The following MPDZ variants were observed in gnomAD, a reference collection of about 807,000 sequenced individuals.
MPDZ encodes multiple PDZ domain crumbs cell polarity complex component.
MPDZ carries 234 observed loss-of-function variants against 239.1 expected under a neutral mutation model. The ratio of observed to expected loss-of-function variants is 0.98; its 90% CI spans 0.88 to 1.09. The LOEUF (loss-of-function observed/expected upper bound fraction) is 1.09. Ranked by LOEUF, MPDZ falls within the 50% of genes least tolerant of loss-of-function variation. The pLI, the probability that MPDZ is intolerant of heterozygous loss-of-function variation, is 0.00. For synonymous variants in MPDZ, 1,048 were observed against 881.3 expected, an observed-to-expected ratio of 1.19 and a Z score of -3.35; for missense variants, 3,175 against 2,510.0, an observed-to-expected ratio of 1.26 and a Z score of -5.66.
chr9:13,230,810 A>AAGATACG (rs1587977594), intron 3 of MPDZ, among the ~76,000 whole-genome samples: 1 of 152,240 alleles, frequency 6.6e-6, no homozygotes, highest in Non-Finnish European at 1.5e-5. Context: ...AATGATAATG[A>AAGATACG]AGATACGACA....
In MPDZ at chr9:13,203,728, CCACACACACACACACACACACACACA is replaced by C. The variant is rs58472339; in HGVS notation, c.1546+1282_1546+1307del. ...TCTATAGTCACCCCCATGTATCCTGCCACACACACACACACACACACACACACACACACACACACACACACAGAGAG... is the reference window on the plus strand; with the variant it reads ...TCTATAGTCACCCCCATGTATCCTGCCACACACACACACACACACAGAGAG... On this transcript the variant is annotated intron_variant, in intron 12 of 46. Coordinates refer to ENST00000319217, the MANE Select transcript of MPDZ (RefSeq NM_001378778.1). Among the ~76,000 whole-genome samples the C allele has an allele frequency of 2.1e-5, 3 of 140,466 alleles. No homozygotes were observed. In the Admixed American group the frequency reaches 2.2e-4, roughly 10 times the overall value. The allele number at this position is 140,466 out of a possible 152,430, so 92.2% of individuals were successfully genotyped here. A position where few individuals can be genotyped will look rare whatever the true frequency, so the allele number is the denominator to read the frequency against.
chr9:13,185,301 T>C (rs1380584393), intron 18 of MPDZ, among the ~76,000 whole-genome samples: 1 of 151,934 alleles, frequency 6.6e-6, no homozygotes, highest in Non-Finnish European at 1.5e-5. Context: ...AGGAATTGTC[T>C]CCCCCGAAAT....
chr9:13,127,261 T>TG (rs1332970779), intron 32 of MPDZ, among the ~76,000 whole-genome samples: 1 of 152,128 alleles, frequency 6.6e-6, no homozygotes, highest in Non-Finnish European at 1.5e-5. Flanking sequence ...TCTGTCCTTT[T>TG]GGGGGGTGAA....
intron 1 of MPDZ, among the ~76,000 whole-genome samples, chr9:13,275,921 C>G (rs1192651433): frequency 6.6e-6 from 1 of 152,124 alleles, no homozygotes; most frequent in Non-Finnish European, 1.5e-5. Flanking sequence ...TTAAGCTCTA[C>G]TTCATATCAA....
At chr9:13,136,332 T>TTTTC (rs1554654000) in intron 30 of MPDZ, 150 bp from the exon 31 acceptor site, 2 of 486,626 alleles carry the variant, frequency 4.1e-6, no homozygotes, top group Non-Finnish European at 6.8e-6. Flanking sequence ...TTTCTTTTTT[T>TTTTC]TTTTTTTTTT....
At chr9:13,205,338 A>G (rs534787464) in intron 11 of MPDZ, among the ~76,000 whole-genome samples, 3 of 152,286 alleles carry the variant, frequency 2.0e-5, no homozygotes, top group South Asian at 2.1e-4. Context: ...AATGGCATAA[A>G]TATCAGAATG....
In MPDZ at chr9:13,186,291, G is replaced by A. The variant is rs758957330; in HGVS notation, c.2460C>T (p.Leu820=). Reference sequence around the variant, plus strand: ...TAACCAGAGCCAAGTCAGCCCTGAAGAGGGGTTTGTCAGCCAGCCCTGCTT... The same window carrying A: ...TAACCAGAGCCAAGTCAGCCCTGAAAAGGGGTTTGTCAGCCAGCCCTGCTT... ...CEEAGLADKP[L]FRADLALVGT... The change falls in exon 18 of 47, where the codon CTC becomes CTT. Residue 820 remains leucine (L), a synonymous_variant. Transcript: ENST00000319217. 1.1e-5 allele frequency: 17 copies of A among 1,591,122 alleles called. No homozygotes were observed. The South Asian group carries it at 1.8e-4, about 17-fold the overall frequency.
intron 10 of MPDZ, among the ~76,000 whole-genome samples, chr9:13,213,470 A>T (rs567982249): frequency 6.6e-6 from 1 of 152,122 alleles, no homozygotes; most frequent in South Asian, 2.1e-4. Flanking sequence ...AACAAATAAC[A>T]GACAAAGACT....
chr9:13,137,620 C>T (rs1217467750), intron 29 of MPDZ, among the ~76,000 whole-genome samples: 3 of 152,104 alleles, frequency 2.0e-5, no homozygotes, highest in Non-Finnish European at 4.4e-5. Context: ...GTGGGTCAGC[C>T]TCTGGGGAAT....
At chr9:13,108,291 C>A (rs1941826204) in intron 46 of MPDZ, among the ~76,000 whole-genome samples, 1 of 151,978 alleles carries the variant, frequency 6.6e-6, no homozygotes, top group African/African-American at 2.4e-5. Flanking sequence ...ATTTTAATAG[C>A]TTTACCAGTA....
intron 3 of MPDZ, among the ~76,000 whole-genome samples, chr9:13,228,418 G>T (rs537104004): frequency 6.4e-4 from 97 of 152,106 alleles, no homozygotes; most frequent in African/African-American, 2.3e-3. Context: ...TAAAAGTACA[G>T]GAAAAGTCCT....
At chr9:13,143,793 A>C (rs1446940792) in intron 26 of MPDZ, among the ~76,000 whole-genome samples, 1 of 152,136 alleles carries the variant, frequency 6.6e-6, no homozygotes, top group African/African-American at 2.4e-5. Context: ...AAAGGAAACT[A>C]GTTGTCAAAC....
intron 10 of MPDZ, among the ~76,000 whole-genome samples, chr9:13,212,627 T>C (rs1291684066): frequency 1.3e-5 from 2 of 150,592 alleles, no homozygotes; most frequent in African/African-American, 2.4e-5. Flanking sequence ...AAGAGTGCAG[T>C]AGAACTAGGT....
At position 13,133,858 on chromosome 9, in the gene MPDZ, G is replaced by C. The variant is rs1355368723; in HGVS notation, c.4430C>G (p.Ser1477Ter). ...TTSDAAVDLS[S>*]FKNVQHLELP... ...CTCCAGATGTTGCACATTTTTAAAT[G>C]AACTGAGGTCCACAGCTGCATCAGA... Residue 1477 changes from serine (S) to a stop codon, truncating the protein, a stop_gained, in exon 32 of 47, where the codon TCA (serine) becomes TGA (stop). Transcript: ENST00000319217. LOFTEE classifies it high-confidence loss of function. 1 of 1,606,750 alleles carries C rather than the reference G, an allele frequency of 6.2e-7. No homozygotes were observed. Among genetic ancestry groups the C allele is most frequent in the East Asian group, 2.2e-5 (1 of 44,588 alleles).
At chr9:13,177,705 C>G (rs1952684522) in intron 19 of MPDZ, among the ~76,000 whole-genome samples, 1 of 152,084 alleles carries the variant, frequency 6.6e-6, no homozygotes, top group South Asian at 2.1e-4. Flanking sequence ...AATCCTGGCT[C>G]AACACTAATT....
At chr9:13,139,726 G>C (rs908264598) in intron 28 of MPDZ, among the ~76,000 whole-genome samples, 4 of 152,178 alleles carry the variant, frequency 2.6e-5, no homozygotes, top group African/African-American at 9.7e-5. Context: ...GCTTCTGAGA[G>C]AGTGCCCTGT....
chr9:13,157,139 A>G (rs550197849), intron 24 of MPDZ, among the ~76,000 whole-genome samples: 1 of 152,248 alleles, frequency 6.6e-6, no homozygotes, highest in African/African-American at 2.4e-5. Flanking sequence ...GAATATTACA[A>G]ATTCTTCTCT....
rs541381056 is a variant in MPDZ at position 13,249,128 on chromosome 9, A to ACG, written c.16+1171_16+1172insCG. 7.3e-3 allele frequency among the ~76,000 whole-genome samples: 1,110 copies of ACG among 151,234 alleles called. 12 individuals carry two copies. The highest frequency in any genetic ancestry group is 0.036 in the East Asian group (185 of 5,126). On this transcript the variant is annotated intron_variant, in intron 2 of 46. Transcript: ENST00000319217. Reference sequence around the variant, plus strand: ...TTCACACACACACACACACACACACACACACACACAAACTTAAACAAACAA... The same window carrying ACG: ...TTCACACACACACACACACACACACACGCACACACACAAACTTAAACAAACAA...
At chr9:13,128,985 T>A (rs915115533) in intron 32 of MPDZ, among the ~76,000 whole-genome samples, 2 of 152,126 alleles carry the variant, frequency 1.3e-5, no homozygotes, top group African/African-American at 4.8e-5. Flanking sequence ...CTGACCTGAG[T>A]CCATAAATCT....
Sources: allele counts gnomAD v4.1 joint callset (sites outside exome capture counted in the v4.1 genomes callset), GRCh38; gene constraint gnomAD v4.1.1; transcripts MANE v1.5; gene names NCBI Gene and HGNC (gene_info 2026-07-23, HGNC 2026-07-21).